Variants in CPT2 observed in about 807,000 individuals in gnomAD.
CPT2 encodes carnitine O-palmitoyltransferase 2, mitochondrial.
CPT2 carries 37 observed loss-of-function variants against 48.6 expected under a neutral mutation model. That is an observed-to-expected ratio of 0.76 (90% CI 0.59 to 1.00). CPT2 has a LOEUF of 1.00. Among genes scored for constraint, CPT2 ranks in the 50% least tolerant of loss-of-function variants. CPT2 has a pLI of 0.00. For missense variants in CPT2, 772 were observed against 825.6 expected (o/e 0.94, Z 0.80); for synonymous variants, 319 against 326.9 (o/e 0.98, Z 0.26).
intron 2 of CPT2, chr1:53,201,187 A>G (rs182155303): frequency 3.7e-6 from 1 of 273,652 alleles, no homozygotes; most frequent in East Asian, 8.1e-5. Context: ...GTTGGATAGC[A>G]TGCCTCCAAA....
At chr1:53,206,154 G>C (rs1035988454) in intron 3 of CPT2, among the ~76,000 whole-genome samples, 1 of 145,002 alleles carries the variant, frequency 6.9e-6, no homozygotes, top group Non-Finnish European at 1.5e-5. Flanking sequence ...CTGCACTCCA[G>C]TCTGGGTGAC....
In CPT2 at chr1:53,210,626, G is replaced by A. The variant is rs760989930; in HGVS notation, c.952G>A (p.Val318Met). 1 of 1,614,188 alleles carries A rather than the reference G, an allele frequency of 6.2e-7. No homozygotes were observed. Among genetic ancestry groups the A allele is most frequent in the Non-Finnish European group, 8.5e-7 (1 of 1,180,038 alleles). Residue 318 changes from valine to methionine, a missense_variant, in exon 4 of 5, where the codon GTG becomes ATG. Val to Met is a conservative substitution (Grantham distance 21). Coordinates refer to ENST00000371486, the MANE Select transcript of CPT2 (RefSeq NM_000098.3). ...TGGCAATGAGGAGAGCCTGAGGAAAGTGGACTCGGCAGTGTTCTGTCTCTG... is the reference window on the plus strand; with the variant it reads ...TGGCAATGAGGAGAGCCTGAGGAAAATGGACTCGGCAGTGTTCTGTCTCTG... ...SSGNEESLRK[V>M]DSAVFCLCLD... is the part of the protein sequence containing the mutation.
chr1:53,214,034 T>C lies in CPT2; in HGVS notation c.*439T>C, dbSNP rs886046410. The C allele has an allele frequency of 9.2e-5, 18 of 195,046 alleles. No individual in the cohort carries two copies. In the Middle Eastern group the frequency reaches 9.8e-3, roughly 106 times the overall value. The allele number at this position is 195,046 out of a possible 1,614,324, so 12.1% of individuals were successfully genotyped here. ...CCAGCTACAGGCTTGAGCTTTAAAT[T>C]CATGGTTTTAAAGCTAAACGTAATT... On this transcript the variant is annotated 3_prime_UTR_variant, in exon 5 of 5. Coordinates refer to ENST00000371486, the MANE Select transcript of CPT2 (RefSeq NM_000098.3).
Position 53,211,327 on chromosome 1 carries a change from AG to A in CPT2, c.1645+12del. 6.3e-7 allele frequency: 1 copy of A among 1,590,186 alleles called. No homozygotes were observed. Among genetic ancestry groups the A allele is most frequent in the Non-Finnish European group, 8.6e-7 (1 of 1,168,976 alleles). On this transcript the variant is annotated intron_variant, in intron 4 of 4. Coordinates refer to ENST00000371486, the MANE Select transcript of CPT2 (RefSeq NM_000098.3). Reference sequence around the variant, plus strand: ...CCAAAGAAGCAGCAATGGGTGAGGCAGGGGTGGGGAGCATGCCCTTGGGTCT... The same window carrying A: ...CCAAAGAAGCAGCAATGGGTGAGGCAGGGTGGGGAGCATGCCCTTGGGTCT...
chr1:53,201,727 G>A (rs1431930203), intron 2 of CPT2: 1 of 157,300 alleles, frequency 6.4e-6, no homozygotes, highest in Non-Finnish European at 1.4e-5. Flanking sequence ...TGGCATTGTT[G>A]TTGGAATCAC....
intron 3 of CPT2, chr1:53,204,195 C>T (rs1165813236): frequency 6.6e-6 from 1 of 151,628 alleles, no homozygotes. Flanking sequence ...CATTTTTTTT[C>T]TCTGTTTTTT....
rs1336449715 is a variant in CPT2, at chr1:53,210,422, A to C, written c.748A>C (p.Asn250His). 8.7e-6 allele frequency: 14 copies of C among 1,613,990 alleles called. No individual in the cohort carries two copies. The highest frequency in any genetic ancestry group is 1.7e-5 in the Admixed American group (1 of 60,004). ...ACACCTCCTGGTCCTAAGGAAAGGA[A>C]ATTTTTATATCTTTGATGTCCTGGA... ...ARHLLVLRKG[N>H]FYIFDVLDQD... Residue 250 changes from asparagine to histidine, a missense_variant, in exon 4 of 5, where the codon AAT becomes CAT. Coordinates refer to ENST00000371486, the MANE Select transcript of CPT2 (RefSeq NM_000098.3).
In CPT2 at chr1:53,210,721, C is replaced by CCG; in HGVS notation, c.1049_1050dup (p.Trp351AlafsTer70). 6.2e-7 allele frequency: 1 copy of CCG among 1,614,210 alleles called. No homozygotes were observed. Among genetic ancestry groups the CCG allele is most frequent in the East Asian group, 2.2e-5 (1 of 44,888 alleles). On this transcript the variant is annotated frameshift_variant, in exon 4 of 5. Transcript: ENST00000371486. LOFTEE classifies it high-confidence loss of function. The stretch of plus-strand genomic sequence containing the variant: ...ATATGCTGCATGGGGATGGCACAAA[C>CCG]CGCTGGTTTGATAAATCCTTTAACC...
intron 1 of CPT2, 77 bp downstream of exon 1, chr1:53,197,172 C>T (rs956879581): frequency 1.3e-6 from 2 of 1,507,020 alleles, no homozygotes; most frequent in Non-Finnish European, 8.9e-7. Context: ...TCACTCATGA[C>T]TCCTCTAGTG....
Position 53,210,755 on chromosome 1 carries a change from G to A in CPT2, c.1081G>A (p.Ala361Thr), listed in dbSNP as rs755500312. The change falls in exon 4 of 5, where the codon GCC becomes ACC. Residue 361 changes from alanine to threonine, a missense_variant. Coordinates refer to ENST00000371486, the MANE Select transcript of CPT2 (RefSeq NM_000098.3). ...WFDKSFNLII[A>T]KDGSTAVHFE... is the part of the protein sequence containing the mutation. The stretch of plus-strand genomic sequence containing the variant: ...TGATAAATCCTTTAACCTCATTATC[G>A]CCAAGGATGGCTCTACTGCCGTCCA... The A allele has an allele frequency of 2.9e-5, 47 of 1,613,980 alleles. No homozygotes were observed. Among genetic ancestry groups the A allele is most frequent in the Non-Finnish European group, 3.8e-5 (45 of 1,180,032 alleles).
Position 53,210,971 on chromosome 1 carries a change from A to C in CPT2, c.1297A>C (p.Lys433Gln), listed in dbSNP as rs745804213. The C allele has an allele frequency of 6.2e-7, 1 of 1,614,198 alleles. No individual in the cohort carries two copies. The highest frequency in any genetic ancestry group is 1.1e-5 in the South Asian group (1 of 91,080). The stretch of plus-strand genomic sequence containing the variant: ...GACTGGCATCACAGCTGCTAAGGAA[A>C]AGTTTGATGCCACCATGAAAACCCT... Reference protein sequence around the residue: ...LKTGITAAKEKFDATMKTLTI... With the variant: ...LKTGITAAKEQFDATMKTLTI... Residue 433 changes from lysine to glutamine, a missense_variant, in exon 4 of 5, where the codon AAG becomes CAG. Lys to Gln is a moderately conservative substitution (Grantham distance 53, BLOSUM62 1). Coordinates refer to ENST00000371486, the MANE Select transcript of CPT2 (RefSeq NM_000098.3).
chr1:53,199,457 T>C (rs1645342627), intron 1 of CPT2, among the ~76,000 whole-genome samples: 1 of 152,248 alleles, frequency 6.6e-6, no homozygotes, highest in Admixed American at 6.5e-5. Flanking sequence ...CCCAAAGTGC[T>C]GGGATTACAG....
At chr1:53,213,234 G>C in intron 4 of CPT2, 30 bp from the exon 5 acceptor site, 1 of 1,612,424 alleles carries the variant, frequency 6.2e-7, no homozygotes, top group South Asian at 1.1e-5. Flanking sequence ...TCCATCCTGA[G>C]ACTCTGGTTT....
Position 53,210,817 on chromosome 1 carries a change from C to T in CPT2, c.1143C>T (p.Leu381=). The T allele has an allele frequency of 6.2e-7, 1 of 1,614,138 alleles. No individual in the cohort carries two copies. Among genetic ancestry groups the T allele is most frequent in the Non-Finnish European group, 8.5e-7 (1 of 1,180,028 alleles). ...EHSWGDGVAV[L]RFFNEVFKDS... ...CTTGGGGTGATGGTGTGGCAGTGCT[C>T]AGATTTTTTAATGAAGTATTTAAAG... The change falls in exon 4 of 5, where the codon CTC becomes CTT. Residue 381 remains leucine, a synonymous_variant. Coordinates refer to ENST00000371486, the MANE Select transcript of CPT2 (RefSeq NM_000098.3).
intron 2 of CPT2, chr1:53,201,659 T>C (rs1420095079): frequency 6.5e-6 from 1 of 154,316 alleles, no homozygotes; most frequent in Non-Finnish European, 1.4e-5. Context: ...TGCATTAAGC[T>C]CTTATAGCCT....
intron 4 of CPT2, 115 bp from the exon 5 acceptor site, chr1:53,213,149 T>A (rs1254482442): frequency 2.1e-6 from 2 of 969,312 alleles, no homozygotes; most frequent in Non-Finnish European, 3.2e-6. Context: ...AGGTAGAGCC[T>A]TCCCCCACTC....
chr1:53,210,007 T>C lies in CPT2; in HGVS notation c.341-8T>C. ...ATTTTATGTTATTTTTTTCTTTTTATTTTTTAGGACCCTGGTTTGATATGT... is the reference window on the plus strand; with the variant it reads ...ATTTTATGTTATTTTTTTCTTTTTACTTTTTAGGACCCTGGTTTGATATGT... On this transcript the variant is annotated splice_region_variant and splice_polypyrimidine_tract_variant and intron_variant, in intron 3 of 4. Coordinates refer to ENST00000371486, the MANE Select transcript of CPT2 (RefSeq NM_000098.3). 6.2e-7 allele frequency: 1 copy of C among 1,610,866 alleles called. No individual in the cohort carries two copies. Among genetic ancestry groups the C allele is most frequent in the East Asian group, 2.2e-5 (1 of 44,874 alleles).
At chr1:53,211,957 A>G (rs1023630093) in intron 4 of CPT2, among the ~76,000 whole-genome samples, 1 of 151,620 alleles carries the variant, frequency 6.6e-6, no homozygotes, top group Non-Finnish European at 1.5e-5. Flanking sequence ...CAGTGGTGCA[A>G]TCATGGCTCA....
chr1:53,209,944 TTTC>T (rs1645410644), intron 3 of CPT2, 68 bp from the exon 4 acceptor site: 4 of 1,350,160 alleles, frequency 3.0e-6, no homozygotes, highest in Non-Finnish European at 3.1e-6. Context: ...TTGAATTTTT[TTTC>T]TTCTTCAAAT....
Sources: gnomAD v4.1 joint callset for allele counts (sites outside exome capture counted in the v4.1 genomes callset) on GRCh38, gnomAD v4.1.1 for gene constraint, MANE v1.5 for transcripts, NCBI Gene and HGNC (gene_info 2026-07-23, HGNC 2026-07-21) for gene names.